Variants in SLC39A10 observed in about 807,000 individuals in gnomAD.
SLC39A10 encodes the protein zinc transporter ZIP10.
Under a neutral mutation model 65.1 loss-of-function variants are expected in SLC39A10, and 13 were observed. That is an observed-to-expected ratio of 0.20 (90% CI 0.13 to 0.32). The LOEUF (loss-of-function observed/expected upper bound fraction) is 0.32. Among genes scored for constraint, SLC39A10 ranks in the 10% least tolerant of loss-of-function variants. The probability of loss-of-function intolerance (pLI) is 1.00; values close to 1 mark genes in which losing one functional copy is unlikely to be tolerated. For missense variants in SLC39A10, 831 were observed against 1,018.4 expected (o/e 0.82, Z 2.50); for synonymous variants, 321 against 342.2 (o/e 0.94, Z 0.68).
rs771407871 is a variant in SLC39A10, at chr2:195,680,775, G to C, written c.733G>C (p.Glu245Gln). 5.6e-6 allele frequency: 9 copies of C among 1,614,088 alleles called. No individual in the cohort carries two copies. In the African/African-American group the frequency reaches 1.2e-4, roughly 22 times the overall value. The change falls in exon 2 of 10, where the codon GAG becomes CAG. Residue 245 changes from glutamate to glutamine, a missense_variant. Around this residue, in one of 4 missense-constraint regions of SLC39A10, gnomAD observed 446 missense variants for 499.2 expected, o/e 0.89. Coordinates refer to ENST00000359634, the MANE Select transcript of SLC39A10 (RefSeq NM_020342.3). ...KKGRKSNENS[E>Q]VITPGFPPNH... The stretch of plus-strand genomic sequence containing the variant: ...AGGGAGGAAAAGTAATGAAAATTCT[G>C]AGGTTATTACACCAGGTTTTCCCCC...
chr2:195,629,514 T>C (rs1182544479), intron 2 of SLC39A10, among the ~76,000 whole-genome samples: 1 of 151,970 alleles, frequency 6.6e-6, no homozygotes, highest in African/African-American at 2.4e-5. Flanking sequence ...GTCTGTCTCC[T>C]CTCTTTGACA....
chr2:195,658,244 G>A (rs929177681), intron 1 of SLC39A10: 3 of 152,406 alleles, frequency 2.0e-5, no homozygotes, highest in African/African-American at 7.2e-5. Flanking sequence ...TCTTCCTGTG[G>A]CTTCTGTAAA....
intron 7 of SLC39A10, 106 bp from the exon 8 acceptor site, chr2:195,718,146 T>A: frequency 1.2e-6 from 1 of 835,102 alleles, no homozygotes; most frequent in Non-Finnish European, 1.9e-6. Context: ...ACTCATATGT[T>A]AAGAAATTAA....
chr2:195,685,157 A>C (rs1690477270), intron 3 of SLC39A10, among the ~76,000 whole-genome samples: 1 of 151,984 alleles, frequency 6.6e-6, no homozygotes, highest in African/African-American at 2.4e-5. Context: ...CCTTGTTTTT[A>C]AAAACAAGAT....
intron 2 of SLC39A10, among the ~76,000 whole-genome samples, chr2:195,614,353 T>C (rs1688162589): frequency 6.6e-6 from 1 of 152,210 alleles, no homozygotes; most frequent in East Asian, 1.9e-4. Context: ...TTTAAAAATA[T>C]TGAGTGAATT....
At chr2:195,679,925 A>G in intron 1 of SLC39A10, 107 bp from the exon 2 acceptor site, 1 of 822,904 alleles carries the variant, frequency 1.2e-6, no homozygotes, top group Non-Finnish European at 1.8e-6. Context: ...CATGAAGGAA[A>G]TGGAGTAAAA....
At chr2:195,716,314 T>C (rs1230799387) in intron 6 of SLC39A10, among the ~76,000 whole-genome samples, 1 of 152,174 alleles carries the variant, frequency 6.6e-6, no homozygotes, top group Non-Finnish European at 1.5e-5. Context: ...TCTTCATGCT[T>C]TCCAGTTTTT....
intron 8 of SLC39A10, among the ~76,000 whole-genome samples, chr2:195,723,686 C>G (rs1374276507): frequency 6.6e-6 from 1 of 151,998 alleles, no homozygotes; most frequent in Non-Finnish European, 1.5e-5. Context: ...TCACAATTTC[C>G]CAAACATTCT....
At chr2:195,656,325 A>G (rs1343834950), upstream of SLC39A10, among the ~76,000 whole-genome samples, 1 of 152,118 alleles carries the variant, frequency 6.6e-6, no homozygotes, top group South Asian at 2.1e-4. Context: ...GTTGCTTAAG[A>G]GGGGAGGAGA....
chr2:195,669,972 A>G (rs1344705703), intron 1 of SLC39A10, among the ~76,000 whole-genome samples: 1 of 152,230 alleles, frequency 6.6e-6, no homozygotes, highest in Non-Finnish European at 1.5e-5. Context: ...CATCCTGGCC[A>G]ACATGGAGAA....
At chr2:195,667,096 T>C (rs898323797) in intron 1 of SLC39A10, among the ~76,000 whole-genome samples, 1 of 151,942 alleles carries the variant, frequency 6.6e-6, no homozygotes, top group Non-Finnish European at 1.5e-5. Context: ...GTTTATATTC[T>C]CTCTCAAGTT....
chr2:195,676,124 A>G (rs528497744), intron 1 of SLC39A10, among the ~76,000 whole-genome samples: 12 of 151,778 alleles, frequency 7.9e-5, no homozygotes, highest in Non-Finnish European at 1.5e-4. Flanking sequence ...TTTTATATAC[A>G]TTGTTTATAT....
chr2:195,672,963 G>A (rs928591100), intron 1 of SLC39A10, among the ~76,000 whole-genome samples: 2 of 152,106 alleles, frequency 1.3e-5, no homozygotes, highest in Admixed American at 6.5e-5. Flanking sequence ...AATCACCCAC[G>A]CCTTTTTATC....
At chr2:195,666,898 A>G (rs1559023533) in intron 1 of SLC39A10, among the ~76,000 whole-genome samples, 1 of 152,258 alleles carries the variant, frequency 6.6e-6, no homozygotes, top group African/African-American at 2.4e-5. Context: ...AGAGGTAGCA[A>G]TATTACAGGT....
chr2:195,655,193 A>T (rs1689120608), upstream of SLC39A10, among the ~76,000 whole-genome samples: 1 of 152,176 alleles, frequency 6.6e-6, no homozygotes, highest in Admixed American at 6.5e-5. Context: ...AGGTCTGGGG[A>T]ATCTTGAGAG....
At chr2:195,618,547 C>T (rs1342872717) in intron 2 of SLC39A10, among the ~76,000 whole-genome samples, 1 of 152,122 alleles carries the variant, frequency 6.6e-6, no homozygotes, top group Non-Finnish European at 1.5e-5. Context: ...TTGTCATTAC[C>T]TCCGCTTCAT....
At chr2:195,710,393 T>A (rs1691563568) in intron 5 of SLC39A10, among the ~76,000 whole-genome samples, 2 of 152,214 alleles carry the variant, frequency 1.3e-5, no homozygotes, top group Admixed American at 6.5e-5. Context: ...ATACCTTTTT[T>A]GGGATGGTCA....
intron 2 of SLC39A10, among the ~76,000 whole-genome samples, chr2:195,642,224 A>T (rs1688825937): frequency 6.6e-6 from 1 of 152,204 alleles, no homozygotes; most frequent in East Asian, 1.9e-4. Context: ...CATAGATGAT[A>T]ATAACCTTAA....
At chr2:195,660,294 A>G (rs1689337750) in intron 1 of SLC39A10, among the ~76,000 whole-genome samples, 1 of 152,256 alleles carries the variant, frequency 6.6e-6, no homozygotes, top group Admixed American at 6.5e-5. Flanking sequence ...TACCAGTCAT[A>G]GTTGCAAAAG....
Sources: allele counts gnomAD v4.1 joint callset (sites outside exome capture counted in the v4.1 genomes callset), GRCh38; gene constraint gnomAD v4.1.1; regional missense constraint gnomAD v4.1.1; transcripts MANE v1.5; gene names NCBI Gene and HGNC (gene_info 2026-07-23, HGNC 2026-07-21).